PCDHA13: variants seen among roughly 807,000 people sequenced by gnomAD.
The protein encoded by PCDHA13 is protocadherin alpha 13.
In PCDHA13, 54 loss-of-function variants were observed where a neutral mutation model predicts 64.8. That is an observed-to-expected ratio of 0.83 (90% CI 0.67 to 1.04). The LOEUF (loss-of-function observed/expected upper bound fraction) is 1.04, where lower values mean the gene tolerates loss of function less well. Among genes scored for constraint, PCDHA13 ranks in the 50% least tolerant of loss-of-function variants. The pLI is 0.00. For synonymous variants in PCDHA13, 587 were observed against 564.4 expected, an observed-to-expected ratio of 1.04 and a Z score of -0.57; for missense variants, 1,248 against 1,254.3, an observed-to-expected ratio of 0.99 and a Z score of 0.08.
At chr5:140,954,086 C>T (rs2094976679) in intron 1 of PCDHA13, among the ~76,000 whole-genome samples, 1 of 152,212 alleles carries the variant, frequency 6.6e-6, no homozygotes, top group African/African-American at 2.4e-5. Context: ...CTTCCAGCTC[C>T]ATCCATGTCC....
intron 1 of PCDHA13, among the ~76,000 whole-genome samples, chr5:140,955,323 G>A (rs1213005534): frequency 6.6e-6 from 1 of 152,098 alleles, no homozygotes; most frequent in East Asian, 1.9e-4. Flanking sequence ...ACCTTGAATT[G>A]TAGTTCCCAT....
chr5:140,992,382 G>A (rs1275662967), intron 3 of PCDHA13, among the ~76,000 whole-genome samples: 3 of 152,140 alleles, frequency 2.0e-5, no homozygotes, highest in Non-Finnish European at 4.4e-5. Flanking sequence ...ACATTATTGT[G>A]TTCTGGACTT....
At chr5:140,974,379 T>G (rs2096625482) in intron 1 of PCDHA13, among the ~76,000 whole-genome samples, 1 of 152,250 alleles carries the variant, frequency 6.6e-6, no homozygotes, top group South Asian at 2.1e-4. Flanking sequence ...TCTGTTGTAC[T>G]GGAACCCATT....
Position 140,980,544 on chromosome 5 carries a change from C to T in PCDHA13, c.2453+1537C>T, listed in dbSNP as rs111386744. 4.0e-3 allele frequency among the ~76,000 whole-genome samples: 611 copies of T among 152,160 alleles called. 1 individual carries two copies. The highest frequency in any genetic ancestry group is 0.013 in the African/African-American group (560 of 41,516). On this transcript the variant is annotated intron_variant, in intron 2 of 3. Coordinates refer to ENST00000289272, the MANE Select transcript of PCDHA13 (RefSeq NM_018904.3). ...ACTAGGGAGGCTGAGGCAGGAGAAT[C>T]GCTTGAACCCGGGAGGCGGAAGTTG...
intron 1 of PCDHA13, among the ~76,000 whole-genome samples, chr5:140,917,163 G>C (rs948639951): frequency 6.6e-6 from 1 of 152,182 alleles, no homozygotes; most frequent in Non-Finnish European, 1.5e-5. Flanking sequence ...ATATGGGAGG[G>C]GTGATGGTGG....
At chr5:140,927,290 T>C in intron 1 of PCDHA13, 1 of 1,614,054 alleles carries the variant, frequency 6.2e-7, no homozygotes, top group South Asian at 1.1e-5. Flanking sequence ...CAGCTGCACA[T>C]CCCCGAGTTC....
chr5:140,931,319 T>A (rs1237988294), intron 1 of PCDHA13, among the ~76,000 whole-genome samples: 3 of 152,086 alleles, frequency 2.0e-5, no homozygotes, highest in Non-Finnish European at 4.4e-5. Flanking sequence ...ATACCAGTAA[T>A]GGCTGTAAAG....
chr5:140,941,548 C>CTCG (rs1175641247), intron 1 of PCDHA13, among the ~76,000 whole-genome samples: 1 of 151,868 alleles, frequency 6.6e-6, no homozygotes, highest in Non-Finnish European at 1.5e-5. Context: ...AACTCCTGAC[C>CTCG]TCGTGATCCA....
intron 1 of PCDHA13, among the ~76,000 whole-genome samples, chr5:140,888,041 A>G (rs571709864): frequency 2.0e-5 from 3 of 152,296 alleles, no homozygotes; most frequent in South Asian, 4.1e-4. Context: ...TAGTACATGT[A>G]TAATAGATGT....
intron 3 of PCDHA13, among the ~76,000 whole-genome samples, chr5:140,991,237 A>G (rs2097440162): frequency 6.6e-6 from 1 of 152,186 alleles, no homozygotes; most frequent in African/African-American, 2.4e-5. Context: ...ATGCAGTGGT[A>G]AAGGCAGTAT....
chr5:140,971,451 T>C (rs1442240847), intron 1 of PCDHA13, among the ~76,000 whole-genome samples: 2 of 152,110 alleles, frequency 1.3e-5, no homozygotes, highest in East Asian at 1.9e-4. Flanking sequence ...GCTCCAGAAA[T>C]TTTTGCAGTT....
At position 140,969,194 on chromosome 5, in the gene PCDHA13, A is replaced by G. The variant is rs782262250; in HGVS notation, c.2395-9755A>G. On this transcript the variant is annotated intron_variant, in intron 1 of 3. Coordinates refer to ENST00000289272, the MANE Select transcript of PCDHA13 (RefSeq NM_018904.3). ...AGGGAGTGACACTTTCATGTTTTAC[A>G]ATACAGGGGCCCAGACAGGACCAGG... 1.8e-5 allele frequency: 29 copies of G among 1,614,026 alleles called. No homozygotes were observed. The highest frequency in any genetic ancestry group is 2.3e-5 in the Non-Finnish European group (27 of 1,180,018).
chr5:140,904,555 C>CT (rs569725486), intron 1 of PCDHA13, among the ~76,000 whole-genome samples: 13 of 151,744 alleles, frequency 8.6e-5, no homozygotes, highest in Middle Eastern at 3.4e-3. Flanking sequence ...CATATAATGA[C>CT]TTTTTTTTCC....
chr5:140,928,623 A>G (rs1554206072), intron 1 of PCDHA13: 1 of 1,614,210 alleles, frequency 6.2e-7, no homozygotes, highest in African/African-American at 1.3e-5. Flanking sequence ...CCAGGACTGG[A>G]CACTTGGTCA....
At chr5:140,980,354 G>A (rs1387213682) in intron 2 of PCDHA13, among the ~76,000 whole-genome samples, 1 of 152,138 alleles carries the variant, frequency 6.6e-6, no homozygotes, top group Non-Finnish European at 1.5e-5. Flanking sequence ...TTCCTGGACT[G>A]GGCGCGGTGG....
chr5:140,972,398 A>G (rs2096535021), intron 1 of PCDHA13, among the ~76,000 whole-genome samples: 1 of 151,358 alleles, frequency 6.6e-6, no homozygotes, highest in Non-Finnish European at 1.5e-5. Flanking sequence ...TTGCTTCACT[A>G]TTGGCAAACC....
chr5:140,919,558 TAA>T (rs879969388), intron 1 of PCDHA13, among the ~76,000 whole-genome samples: 1 of 152,210 alleles, frequency 6.6e-6, no homozygotes, highest in Non-Finnish European at 1.5e-5. Flanking sequence ...TGATTTATAT[TAA>T]GTGAATATTT....
intron 1 of PCDHA13, chr5:140,927,951 T>G: frequency 6.2e-7 from 1 of 1,614,198 alleles, no homozygotes; most frequent in Non-Finnish European, 8.5e-7. Context: ...CTGAGGACGC[T>G]GCCCCTGGCA....
chr5:140,947,402 T>C (rs550043631), intron 1 of PCDHA13, among the ~76,000 whole-genome samples: 1 of 151,868 alleles, frequency 6.6e-6, no homozygotes, highest in East Asian at 1.9e-4. Context: ...AAGTAGACTG[T>C]CTTGATATTG....
Sources: allele counts gnomAD v4.1 joint callset (sites outside exome capture counted in the v4.1 genomes callset), GRCh38; gene constraint gnomAD v4.1.1; transcripts MANE v1.5; gene names NCBI Gene and HGNC (gene_info 2026-07-23, HGNC 2026-07-21).